The following DLGAP2 variants were observed in gnomAD, a reference collection of about 807,000 sequenced individuals.
DLGAP2 encodes DLG associated protein 2.
Under a neutral mutation model 100.3 loss-of-function variants are expected in DLGAP2, and 26 were observed. The observed-to-expected ratio is 0.26, with a 90% confidence interval of 0.19 to 0.36. The LOEUF is 0.36. Ranked by LOEUF, DLGAP2 falls within the 10% of genes least tolerant of loss-of-function variation. The pLI is 1.00. For missense variants in DLGAP2, 1,858 were observed against 1,453.2 expected (o/e 1.28, Z -4.53); for synonymous variants, 886 against 630.1 (o/e 1.41, Z -6.08).
chr8:1,676,618 G>A lies in DLGAP2; in HGVS notation c.2288G>A (p.Arg763Gln), dbSNP rs1189899592. The A allele has an allele frequency of 6.2e-7, 1 of 1,611,236 alleles. No individual in the cohort carries two copies. The highest frequency in any genetic ancestry group is 8.5e-7 in the Non-Finnish European group (1 of 1,178,808). The part of the protein sequence containing the change: ...SVGVQVEDEK[R>Q]HGRFKRSNSV... ...GGGGTGCAAGTGGAAGATGAGAAGCGGTAACTCAGCCCCTCCTGACACGCG... is the reference window on the plus strand; with the variant it reads ...GGGGTGCAAGTGGAAGATGAGAAGCAGTAACTCAGCCCCTCCTGACACGCG... The change falls in exon 11 of 15, where the codon CGA becomes CAA. Residue 763 changes from arginine (R) to glutamine (Q), a missense_variant and splice_region_variant. Physicochemically the swap from Arg to Gln is conservative, Grantham distance 43. Coordinates refer to ENST00000637795, the MANE Select transcript of DLGAP2 (RefSeq NM_001346810.2).
intron 2 of DLGAP2, among the ~76,000 whole-genome samples, chr8:1,090,693 G>A (rs993888582): frequency 1.3e-5 from 2 of 152,232 alleles, no homozygotes; most frequent in African/African-American, 2.4e-5. Flanking sequence ...CTGTGTGGAC[G>A]TCTGCTGACT....
rs17667613 is a variant in DLGAP2, at chr8:952,064, C to T, written c.73+44098C>T. ...TCTCCTCCAGTGGCACTGACCTCTC[C>T]TTTTTGGTTGAGTTTTCTAGTTCCA... On this transcript the variant is annotated intron_variant, in intron 2 of 14. Transcript: ENST00000637795. Among the ~76,000 whole-genome samples, 3 of 152,042 alleles carry T rather than the reference C, an allele frequency of 2.0e-5. No individual in the cohort carries two copies. The South Asian group carries it at 6.2e-4, about 31-fold the overall frequency.
At chr8:1,650,680 T>C (rs984190306) in intron 8 of DLGAP2, among the ~76,000 whole-genome samples, 3 of 152,176 alleles carry the variant, frequency 2.0e-5, no homozygotes, top group African/African-American at 7.2e-5. Context: ...TGACAGTTGC[T>C]GGAGCAGAGA....
At position 1,439,246 on chromosome 8, in the gene DLGAP2, C is replaced by T. The variant is rs142861292; in HGVS notation, c.107-62120C>T. Among the ~76,000 whole-genome samples the T allele has an allele frequency of 2.5e-3, 380 of 152,304 alleles. 4 individuals are homozygous for T. Among genetic ancestry groups the T allele is most frequent in the African/African-American group, 8.7e-3 (361 of 41,556 alleles). On this transcript the variant is annotated intron_variant, in intron 3 of 14. Transcript: ENST00000637795. ...CATGGTCACCGGCGCCAGGACTGAA[C>T]AGCACGTGGCAGCCGGGTTCTGATG... is the stretch of plus-strand genomic sequence containing the variant.
In DLGAP2 at chr8:1,350,533, C is replaced by T. The variant is rs76573950; in HGVS notation, c.106+91650C>T. ...AAAGGCCGTGCGGGTCCTGACAGTG[C>T]GTGGAAAGGCCGTGCGGGTCCTGAG... On this transcript the variant is annotated intron_variant, in intron 3 of 14. Transcript: ENST00000637795. Among the ~76,000 whole-genome samples the T allele has an allele frequency of 0.03, 515 of 17,252 alleles. 50 individuals carry two copies. In the East Asian group the frequency reaches 0.33, roughly 11 times the overall value. The allele number at this position is 17,252 out of a possible 152,430, so 11.3% of individuals were successfully genotyped here. A position where few individuals can be genotyped will look rare whatever the true frequency, so the allele number is the denominator to read the frequency against.
chr8:1,569,835 T>C (rs2906589), intron 6 of DLGAP2, among the ~76,000 whole-genome samples: 145,381 of 151,948 alleles, frequency 0.96, 69,624 homozygotes, highest in East Asian at 1. Context: ...TGTGGCACTG[T>C]TCTGCGGAGG....
At chr8:1,502,676 G>A (rs1002321045) in intron 4 of DLGAP2, among the ~76,000 whole-genome samples, 3 of 152,234 alleles carry the variant, frequency 2.0e-5, no homozygotes, top group Non-Finnish European at 2.9e-5. Context: ...ATACTCCATC[G>A]CGATGAATCT....
At chr8:823,449 ATTAG>A (rs901068305) in intron 1 of DLGAP2, among the ~76,000 whole-genome samples, 8 of 152,092 alleles carry the variant, frequency 5.3e-5, no homozygotes, top group African/African-American at 1.9e-4. Flanking sequence ...TGTACTGTGA[ATTAG>A]TTAGGGTGCT....
chr8:1,243,646 C>T (rs865986897), intron 2 of DLGAP2, among the ~76,000 whole-genome samples: 22 of 152,234 alleles, frequency 1.4e-4, no homozygotes, highest in African/African-American at 5.1e-4. Context: ...ATTCATGGCA[C>T]GGTTCCCATG....
intron 2 of DLGAP2, among the ~76,000 whole-genome samples, chr8:987,191 C>G (rs572503073): frequency 2.6e-5 from 4 of 152,242 alleles, no homozygotes; most frequent in Admixed American, 1.3e-4. Context: ...GTGATGGTGT[C>G]TTTGCAGGAG....
chr8:1,370,137 G>C (rs4976886), intron 3 of DLGAP2, among the ~76,000 whole-genome samples: 16,764 of 152,058 alleles, frequency 0.11, 1,070 homozygotes, highest in East Asian at 0.28. Flanking sequence ...AATTGGAAAG[G>C]TCTTCCTCGA....
At chr8:1,006,761 C>T (rs1236477076) in intron 2 of DLGAP2, among the ~76,000 whole-genome samples, 6 of 105,176 alleles carry the variant, frequency 5.7e-5, no homozygotes, top group African/African-American at 2.4e-4. Flanking sequence ...GGTCCTTTAT[C>T]ATGTCAGGGA....
intron 2 of DLGAP2, among the ~76,000 whole-genome samples, chr8:1,046,025 A>G (rs1802504001): frequency 6.6e-6 from 1 of 152,178 alleles, no homozygotes; most frequent in Non-Finnish European, 1.5e-5. Context: ...AGAGAATGCT[A>G]GGAATGTGCA....
At chr8:1,137,157 C>G (rs1051087908) in intron 2 of DLGAP2, 4 of 152,384 alleles carry the variant, frequency 2.6e-5, no homozygotes, top group African/African-American at 7.2e-5. Flanking sequence ...TCCTTGTGGC[C>G]TCCTCCCTGT....
intron 2 of DLGAP2, among the ~76,000 whole-genome samples, chr8:956,339 G>A (rs1457268554): frequency 1.3e-5 from 2 of 152,194 alleles, no homozygotes; most frequent in Non-Finnish European, 2.9e-5. Context: ...AACACAGTGG[G>A]CCCCAGAAAG....
At chr8:1,140,959 G>A (rs1270852696) in intron 2 of DLGAP2, among the ~76,000 whole-genome samples, 2 of 152,166 alleles carry the variant, frequency 1.3e-5, no homozygotes, top group Non-Finnish European at 2.9e-5. Flanking sequence ...CTCCAGCCTG[G>A]GTGACAGGGC....
At chr8:1,279,240 A>G (rs1294250296) in intron 3 of DLGAP2, among the ~76,000 whole-genome samples, 1 of 152,186 alleles carries the variant, frequency 6.6e-6, no homozygotes, top group Non-Finnish European at 1.5e-5. Flanking sequence ...TCCTTGGATT[A>G]TTGTGGTATT....
chr8:1,261,027 G>A (rs1318071881), intron 3 of DLGAP2, among the ~76,000 whole-genome samples: 1 of 152,238 alleles, frequency 6.6e-6, no homozygotes, highest in African/African-American at 2.4e-5. Flanking sequence ...GTGAGGAGGG[G>A]AGGAAACGTG....
intron 3 of DLGAP2, among the ~76,000 whole-genome samples, chr8:1,444,297 C>G (rs1482095699): frequency 6.6e-6 from 1 of 152,190 alleles, no homozygotes; most frequent in Admixed American, 6.5e-5. Context: ...ATTTGCTTAA[C>G]CAACTCCATA....
Sources: allele counts gnomAD v4.1 joint callset (sites outside exome capture counted in the v4.1 genomes callset), GRCh38; gene constraint gnomAD v4.1.1; transcripts MANE v1.5; gene names NCBI Gene and HGNC (gene_info 2026-07-23, HGNC 2026-07-21).